The following CABCOCO1 variants were observed in gnomAD, a reference collection of about 807,000 sequenced individuals.
CABCOCO1 encodes ciliary associated calcium binding coiled-coil 1.
Under a neutral mutation model 35.7 loss-of-function variants are expected in CABCOCO1, and 28 were observed. The observed-to-expected ratio is 0.78, with a 90% CI of 0.58 to 1.07. The LOEUF is 1.07. Ranked by LOEUF, CABCOCO1 falls within the 50% of genes least tolerant of loss-of-function variation. CABCOCO1 has a pLI of 0.00. For missense variants in CABCOCO1, 326 were observed against 309.2 expected (o/e 1.05, Z -0.41); for synonymous variants, 95 against 100.1 (o/e 0.95, Z 0.30).
At chr10:61,703,537 C>A (rs1269475973) in intron 5 of CABCOCO1, among the ~76,000 whole-genome samples, 2 of 152,042 alleles carry the variant, frequency 1.3e-5, no homozygotes, top group Admixed American at 6.6e-5. Flanking sequence ...ATATTCATGA[C>A]CTGGAGCAAC....
intron 7 of CABCOCO1, among the ~76,000 whole-genome samples, chr10:61,762,235 A>G (rs1842023458): frequency 6.6e-6 from 1 of 152,140 alleles, no homozygotes. Context: ...GGCCCAAAAA[A>G]TTGAAAACGT....
At chr10:61,749,615 T>TGCCTGCTTTC (rs1280706523) in intron 5 of CABCOCO1, among the ~76,000 whole-genome samples, 1 of 152,254 alleles carries the variant, frequency 6.6e-6, no homozygotes, top group Non-Finnish European at 1.5e-5. Flanking sequence ...AACTCTAGTA[T>TGCCTGCTTTC]ACACATGTCA....
intron 5 of CABCOCO1, among the ~76,000 whole-genome samples, chr10:61,758,620 C>T (rs72831344): frequency 0.095 from 14,420 of 152,030 alleles, 829 homozygotes; most frequent in Middle Eastern, 0.15. Context: ...AACTTAATGA[C>T]GTATTACAGT....
At chr10:61,705,376 C>T (rs1026156398) in intron 5 of CABCOCO1, among the ~76,000 whole-genome samples, 5 of 152,220 alleles carry the variant, frequency 3.3e-5, no homozygotes, top group Admixed American at 1.3e-4. Context: ...ACCTGATTAT[C>T]AAGGTATTTA....
At chr10:61,717,322 G>A (rs1230096591) in intron 5 of CABCOCO1, among the ~76,000 whole-genome samples, 1 of 152,034 alleles carries the variant, frequency 6.6e-6, no homozygotes, top group East Asian at 1.9e-4. Flanking sequence ...CATATTTAAT[G>A]GAGTACTATT....
At chr10:61,704,234 T>C (rs1840541237) in intron 5 of CABCOCO1, among the ~76,000 whole-genome samples, 1 of 151,964 alleles carries the variant, frequency 6.6e-6, no homozygotes, top group Non-Finnish European at 1.5e-5. Flanking sequence ...AAAATATATA[T>C]ATATATGCCC....
chr10:61,708,721 A>G (rs1163482568), intron 5 of CABCOCO1, among the ~76,000 whole-genome samples: 1 of 152,114 alleles, frequency 6.6e-6, no homozygotes, highest in Non-Finnish European at 1.5e-5. Flanking sequence ...TTGGGGACTA[A>G]GTTTCAACAT....
intron 5 of CABCOCO1, among the ~76,000 whole-genome samples, chr10:61,706,828 A>G (rs960298613): frequency 6.6e-6 from 1 of 152,048 alleles, no homozygotes; most frequent in Non-Finnish European, 1.5e-5. Flanking sequence ...CACAGGTTAT[A>G]GTTTCTGTCC....
At chr10:61,740,429 C>T (rs976930465) in intron 5 of CABCOCO1, among the ~76,000 whole-genome samples, 7 of 152,270 alleles carry the variant, frequency 4.6e-5, no homozygotes, top group Middle Eastern at 6.8e-3. Flanking sequence ...AGCAAGCCTA[C>T]GGGATATTCA....
intron 5 of CABCOCO1, among the ~76,000 whole-genome samples, chr10:61,741,612 T>A (rs1196794772): frequency 1.3e-5 from 2 of 152,166 alleles, no homozygotes; most frequent in African/African-American, 4.8e-5. Context: ...CCTAAACTAT[T>A]AATAATTTAA....
chr10:61,683,959 TTATC>T (rs1804525762), intron 3 of CABCOCO1, among the ~76,000 whole-genome samples: 1 of 152,176 alleles, frequency 6.6e-6, no homozygotes. Context: ...TTATAATCAA[TTATC>T]TAAGAATTTC....
At chr10:61,694,824 T>C (rs1279327584) in intron 5 of CABCOCO1, among the ~76,000 whole-genome samples, 1 of 152,078 alleles carries the variant, frequency 6.6e-6, no homozygotes, top group East Asian at 1.9e-4. Context: ...GAAGAGAATA[T>C]AGCAAATTTT....
intron 5 of CABCOCO1, among the ~76,000 whole-genome samples, chr10:61,718,334 C>A (rs924257117): frequency 1.3e-5 from 2 of 152,116 alleles, no homozygotes; most frequent in Admixed American, 1.3e-4. Context: ...CAGATTAGGG[C>A]TACAGTGTCA....
chr10:61,753,962 T>C (rs1449435811), intron 5 of CABCOCO1, among the ~76,000 whole-genome samples: 1 of 152,150 alleles, frequency 6.6e-6, no homozygotes, highest in East Asian at 1.9e-4. Flanking sequence ...CATATAAAAA[T>C]AGCATGGACC....
In CABCOCO1 at chr10:61,680,310, C is replaced by CA. The variant is rs200625085; in HGVS notation, c.165-825dup. 8.4e-4 allele frequency among the ~76,000 whole-genome samples: 98 copies of CA among 116,384 alleles called. 1 individual carries two copies. The highest frequency in any genetic ancestry group is 2.0e-3 in the East Asian group (8 of 3,964). 76.4% of individuals were successfully genotyped at this position (116,384 alleles called of 152,430 possible). On this transcript the variant is annotated intron_variant, in intron 2 of 7. Transcript: ENST00000648843. ...TGGCCGATGAAGCAAGGCCCTGTCT[C>CA]AAAAAAAATATATATATATATATTT...
At chr10:61,681,050 C>CATTATAGAATTTTT in intron 2 of CABCOCO1, 93 bp from the exon 3 acceptor site, 2 of 649,774 alleles carry the variant, frequency 3.1e-6, no homozygotes, top group East Asian at 4.4e-5. Flanking sequence ...AGATTATGGG[C>CATTATAGAATTTTT]ATTAAAGAAA....
At chr10:61,744,648 A>G (rs1429120299) in intron 5 of CABCOCO1, among the ~76,000 whole-genome samples, 5 of 152,146 alleles carry the variant, frequency 3.3e-5, no homozygotes, top group Non-Finnish European at 7.4e-5. Context: ...TGGCACACCT[A>G]TGTTGGCTGG....
intron 4 of CABCOCO1, among the ~76,000 whole-genome samples, chr10:61,688,245 A>G (rs2131990174): frequency 6.6e-6 from 1 of 152,318 alleles, no homozygotes; most frequent in South Asian, 2.1e-4. Context: ...TATGAAGGTA[A>G]CCCAGTTATC....
At chr10:61,694,844 A>G (rs1201828818) in intron 5 of CABCOCO1, among the ~76,000 whole-genome samples, 3 of 152,104 alleles carry the variant, frequency 2.0e-5, no homozygotes, top group Non-Finnish European at 4.4e-5. Context: ...TGCAGGTAGC[A>G]TGTTGGGTCT....
Sources: allele counts gnomAD v4.1 joint callset (sites outside exome capture counted in the v4.1 genomes callset), GRCh38; gene constraint gnomAD v4.1.1; transcripts MANE v1.5; gene names NCBI Gene and HGNC (gene_info 2026-07-23, HGNC 2026-07-21).